The following CCDC187 variants were observed in gnomAD, a reference collection of about 807,000 sequenced individuals.
CCDC187 encodes coiled-coil domain-containing protein 187.
CCDC187 carries 32 observed loss-of-function variants against 38.0 expected under a neutral mutation model. The observed-to-expected ratio is 0.84, with a 90% CI of 0.64 to 1.13. The LOEUF (loss-of-function observed/expected upper bound fraction) is 1.13. Ranked by LOEUF, CCDC187 falls within the 50% of genes most tolerant of loss-of-function variation. The pLI, the probability that CCDC187 is intolerant of heterozygous loss-of-function variation, is 0.00. For missense variants in CCDC187, 707 were observed against 786.8 expected (o/e 0.90, Z 1.21); for synonymous variants, 333 against 347.9 (o/e 0.96, Z 0.48).
At chr9:136,269,033 G>A (rs1830795832) in intron 14 of CCDC187, among the ~76,000 whole-genome samples, 2 of 152,238 alleles carry the variant, frequency 1.3e-5, no homozygotes, top group Admixed American at 1.3e-4. Context: ...GAGGACCTCT[G>A]AGATGTATCA....
In CCDC187 at chr9:136,250,593, G is replaced by T; in HGVS notation, c.*3001C>A. On this transcript the variant is annotated 3_prime_UTR_variant, in exon 26 of 26. Transcript: ENST00000638797. ...CTAATTTGTTCAGAAGACTAGAAGG[G>T]GATCAATGAGAAAGCTGTAGCTCAG... The T allele has an allele frequency of 1.4e-5, 5 of 365,536 alleles. No homozygotes were observed. Among genetic ancestry groups the T allele is most frequent in the South Asian group, 8.0e-5 (4 of 49,826 alleles). The allele number at this position is 365,536 out of a possible 1,614,324, so 22.6% of individuals were successfully genotyped here.
intron 9 of CCDC187, 67 bp from the exon 10 acceptor site, chr9:136,281,730 G>A (rs1194913623): frequency 3.8e-5 from 15 of 398,286 alleles, no homozygotes; most frequent in Middle Eastern, 6.2e-4. Flanking sequence ...AGGGAGATCC[G>A]GGGGACAGCC....
rs1039315843 is a variant in CCDC187, at chr9:136,292,204, A to G, written c.924T>C (p.His308=). 14 of 398,858 alleles carry G rather than the reference A, an allele frequency of 3.5e-5. No homozygotes were observed. Among genetic ancestry groups the G allele is most frequent in the Admixed American group, 1.3e-4 (3 of 22,742 alleles). 24.7% of individuals were successfully genotyped at this position (398,858 alleles called of 1,614,324 possible). The change falls in exon 5 of 26, where the codon CAT becomes CAC. Residue 308 remains histidine (H), a synonymous_variant. Coordinates refer to ENST00000638797, the MANE Select transcript of CCDC187 (RefSeq NM_001378188.1). ...CCGGGTCTCTCGAGGGATCCTTGCT[A>G]TGGTGCCTGCGGAGGACGGGAGGGG... ...LGPPPVLRRH[H]SKDPSRDPAL...
chr9:136,284,601 G>A lies in CCDC187; in HGVS notation c.2927+912C>T, dbSNP rs1025683628. 3.3e-5 allele frequency among the ~76,000 whole-genome samples: 5 copies of A among 152,104 alleles called. No individual in the cohort carries two copies. In the South Asian group the frequency reaches 8.3e-4, roughly 25 times the overall value. Reference sequence around the variant, plus strand: ...GGCAGTATGCGGTGTGCAGGGAGCCGCGGGGACCAGGAGGGCACTGCTGGC... The same window carrying A: ...GGCAGTATGCGGTGTGCAGGGAGCCACGGGGACCAGGAGGGCACTGCTGGC... On this transcript the variant is annotated intron_variant, in intron 9 of 25. Coordinates refer to ENST00000638797, the MANE Select transcript of CCDC187 (RefSeq NM_001378188.1).
At chr9:136,305,996 C>T (rs1304049953), upstream of CCDC187, among the ~76,000 whole-genome samples, 6 of 152,234 alleles carry the variant, frequency 3.9e-5, no homozygotes, top group African/African-American at 7.2e-5. Context: ...GTCCGTGCCA[C>T]GGGGACCGCT....
intron 8 of CCDC187, 51 bp from the exon 9 acceptor site, chr9:136,285,657 GA>G (rs1272779512): frequency 1.3e-5 from 5 of 399,504 alleles, no homozygotes; most frequent in Admixed American, 4.4e-5. Flanking sequence ...GGGAGCACGG[GA>G]CGGGGGACCC....
rs1831325604 is a variant in CCDC187, at chr9:136,291,404, C to G, written c.1209G>C (p.Arg403=). 2 of 398,940 alleles carry G rather than the reference C, an allele frequency of 5.0e-6. No individual in the cohort carries two copies. The highest frequency in any genetic ancestry group is 4.4e-6 in the Non-Finnish European group (1 of 226,380). 24.7% of individuals were successfully genotyped at this position (398,940 alleles called of 1,614,324 possible). A position where few individuals can be genotyped will look rare whatever the true frequency, so the allele number is the denominator to read the frequency against. ...KGGQELGPSK[R]RLQDVAGRGC... is the part of the protein sequence containing the mutation. The stretch of plus-strand genomic sequence containing the variant: ...CCCTCCCTGCCACGTCCTGCAGCCT[C>G]CGCTTTGATGGCCCGAGCTCTTGCC... The change falls in exon 6 of 26, where the codon CGG becomes CGC. Residue 403 remains arginine (R), a synonymous_variant. Coordinates refer to ENST00000638797, the MANE Select transcript of CCDC187 (RefSeq NM_001378188.1).
chr9:136,263,872 GGT>G (rs782610045), intron 17 of CCDC187, 74 bp from the exon 18 acceptor site: 8 of 949,262 alleles, frequency 8.4e-6, no homozygotes, highest in Non-Finnish European at 1.0e-5. Context: ...AAAGGGAAGG[GGT>G]GTCTGGGGGG....
rs1239273696 is a variant in CCDC187 at position 136,290,687 on chromosome 9, G to T, written c.1926C>A (p.Phe642Leu). 8 of 398,446 alleles carry T rather than the reference G, an allele frequency of 2.0e-5. No individual in the cohort carries two copies. In the Admixed American group the frequency reaches 3.1e-4, roughly 15 times the overall value. 24.7% of individuals were successfully genotyped at this position (398,446 alleles called of 1,614,324 possible). The part of the protein sequence containing the change: ...PSHSSESLRE[F>L]MRQKAQARRR... ...GCCGGGCCTGCGCCTTCTGGCGCAT[G>T]AACTCCCGCAAGGACTCAGAGCTGT... Residue 642 changes from phenylalanine (F) to leucine (L), a missense_variant, in exon 6 of 26, where the codon TTC becomes TTA. Transcript: ENST00000638797.
rs1830626421 is a variant in CCDC187 at position 136,257,383 on chromosome 9, A to C, written c.4367-542T>G. ...GAGACTTTGTCTCAAAATTATAATA[A>C]TAATAATAATAATAATAATAATAAT... On this transcript the variant is annotated intron_variant, in intron 22 of 25. Transcript: ENST00000638797. The surrounding 1 kb of genome is among the most constrained non-coding windows in gnomAD (Gnocchi z 4.5). 7.5e-6 allele frequency among the ~76,000 whole-genome samples: 1 copy of C among 133,424 alleles called. No homozygotes were observed. The highest frequency in any genetic ancestry group is 1.7e-5 in the Non-Finnish European group (1 of 60,268). The allele number at this position is 133,424 out of a possible 152,430, so 87.5% of individuals were successfully genotyped here.
Position 136,286,293 on chromosome 9 carries a change from G to A in CCDC187, c.2625C>T (p.Leu875=), listed in dbSNP as rs907193216. Residue 875 remains leucine, a synonymous_variant, in exon 8 of 26, where the codon CTC becomes CTT. Transcript: ENST00000638797. ...CPHSLPAAPT[L]ATPTLATPAC... Reference sequence around the variant, plus strand: ...CTGGGGTGGCAAGCGTGGGGGTGGCGAGCGTGGGGGCGGCAGGTAGGCTGT... The same window carrying A: ...CTGGGGTGGCAAGCGTGGGGGTGGCAAGCGTGGGGGCGGCAGGTAGGCTGT... 1 of 398,580 alleles carries A rather than the reference G, an allele frequency of 2.5e-6. No homozygotes were observed. Among genetic ancestry groups the A allele is most frequent in the Non-Finnish European group, 4.4e-6 (1 of 226,046 alleles). The allele number at this position is 398,580 out of a possible 1,614,324, so 24.7% of individuals were successfully genotyped here.
chr9:136,276,606 C>T (rs2131220596), intron 11 of CCDC187, 45 bp downstream of exon 11: 1 of 152,198 alleles, frequency 6.6e-6, no homozygotes, highest in East Asian at 2.0e-4. Context: ...CCCGGCTCAC[C>T]ACCTAGCAGA....
At position 136,258,770 on chromosome 9, in the gene CCDC187, CAGTGAAGGGGTCTG is replaced by C. The variant is rs1450684258; in HGVS notation, c.4366+148_4366+161del. 2 of 985,342 alleles carry C rather than the reference CAGTGAAGGGGTCTG, an allele frequency of 2.0e-6. No individual in the cohort carries two copies. The highest frequency in any genetic ancestry group is 3.5e-5 in the African/African-American group (2 of 57,248). The allele number at this position is 985,342 out of a possible 1,614,324, so 61.0% of individuals were successfully genotyped here. On this transcript the variant is annotated intron_variant, in intron 22 of 25. Coordinates refer to ENST00000638797, the MANE Select transcript of CCDC187 (RefSeq NM_001378188.1). This position sits in a 1 kb window ranked among gnomAD's most constrained non-coding sequence, Gnocchi z 4.3. ...GAGATGGAGCCGGCCACTCTTCTTG[CAGTGAAGGGGTCTG>C]AGGCCAGGGTGGGGGGCCACCAGGG...
At chr9:136,276,468 C>T (rs1391824674) in intron 11 of CCDC187, among the ~76,000 whole-genome samples, 167 bp from the exon 12 acceptor site, 2 of 152,118 alleles carry the variant, frequency 1.3e-5, no homozygotes, top group Non-Finnish European at 2.9e-5. Flanking sequence ...CCGGGAAGGC[C>T]AGGCGCCCTC....
In CCDC187 at chr9:136,286,441, G is replaced by A. The variant is rs1399342715; in HGVS notation, c.2477C>T (p.Ala826Val). The A allele has an allele frequency of 5.0e-6, 2 of 398,622 alleles. No homozygotes were observed. Among genetic ancestry groups the A allele is most frequent in the African/African-American group, 2.1e-5 (1 of 48,654 alleles). 24.7% of individuals were successfully genotyped at this position (398,622 alleles called of 1,614,324 possible). A position where few individuals can be genotyped will look rare whatever the true frequency, so the allele number is the denominator to read the frequency against. ...HLRHKQAQLQ[A>V]LETTAKVLKQ... ...GAGGACTTTGGCTGTGGTCTCTAGC[G>A]CCTGCAGCTGCGCCTGCTTATGCCG... Residue 826 changes from alanine (A) to valine (V), a missense_variant, in exon 8 of 26, where the codon GCG (alanine) becomes GTG (valine). Ala to Val is a moderately conservative substitution (Grantham distance 64). Transcript: ENST00000638797.
intron 14 of CCDC187, among the ~76,000 whole-genome samples, chr9:136,273,538 T>G (rs1830875498): frequency 6.6e-6 from 1 of 152,194 alleles, no homozygotes; most frequent in African/African-American, 2.4e-5. Context: ...CTGGTAGAAC[T>G]GCAAGGAGAA....
intron 19 of CCDC187, among the ~76,000 whole-genome samples, chr9:136,261,921 C>A (rs1004975195): frequency 5.9e-5 from 9 of 152,250 alleles, no homozygotes; most frequent in African/African-American, 2.2e-4. Flanking sequence ...CATCAGGAAG[C>A]CGGGAGGCTC....
intron 14 of CCDC187, among the ~76,000 whole-genome samples, chr9:136,271,671 G>T (rs191150707): frequency 7.0e-6 from 1 of 143,178 alleles, no homozygotes; most frequent in Non-Finnish European, 1.5e-5. Context: ...GCGGTGGCGC[G>T]ATCTCGGCTC....
At chr9:136,274,458 C>T (rs574893564) in intron 14 of CCDC187, among the ~76,000 whole-genome samples, 200 bp downstream of exon 14, 265 of 152,334 alleles carry the variant, frequency 1.7e-3, no homozygotes, top group Middle Eastern at 3.4e-3. Context: ...TAGGGCTGCC[C>T]GAGGGTCAGT....
Sources: gnomAD v4.1 joint callset for allele counts (sites outside exome capture counted in the v4.1 genomes callset) on GRCh38, gnomAD v4.1.1 for gene constraint, Gnocchi (gnomAD v3.1) non-coding constraint, MANE v1.5 for transcripts, NCBI Gene and HGNC (gene_info 2026-07-23, HGNC 2026-07-21) for gene names.